The following ZNF70 variants were observed in gnomAD, a reference collection of about 807,000 sequenced individuals.
ZNF70 encodes zinc finger protein N27C7-1.
A neutral mutation model predicts 37.7 loss-of-function variants in ZNF70; 18 were observed. The ratio of observed to expected loss-of-function variants is 0.48; its 90% CI spans 0.33 to 0.71. ZNF70 has a LOEUF of 0.71. Among genes scored for constraint, ZNF70 ranks in the 30% least tolerant of loss-of-function variants. ZNF70 has a pLI of 0.02. For synonymous variants in ZNF70, 219 were observed against 220.1 expected (o/e 0.99, Z 0.05); for missense variants, 506 against 568.6 (o/e 0.89, Z 1.12).
In ZNF70 at chr22:23,743,934, G is replaced by C; in HGVS notation, c.1207C>G (p.Arg403Gly). ...TTATAGTGCTCAATGAGGGCTGACC[G>C]GTGCCGGAAGGCTTTGCCACACTCG... ...TCECGKAFRH[R>G]SALIEHYKTH... Residue 403 changes from arginine (R) to glycine (G), a missense_variant, in exon 2 of 2, where the codon CGG becomes GGG. Arg to Gly is a moderately radical substitution (Grantham distance 125). Coordinates refer to ENST00000341976, the MANE Select transcript of ZNF70 (RefSeq NM_021916.4). 1 of 1,613,228 alleles carries C rather than the reference G, an allele frequency of 6.2e-7. No homozygotes were observed. Among genetic ancestry groups the C allele is most frequent in the Non-Finnish European group, 8.5e-7 (1 of 1,179,242 alleles).
chr22:23,744,356 T>A lies in ZNF70; in HGVS notation c.785A>T (p.Asn262Ile), dbSNP rs1925013214. 1 of 1,614,014 alleles carries A rather than the reference T, an allele frequency of 6.2e-7. No homozygotes were observed. Among genetic ancestry groups the A allele is most frequent in the African/African-American group, 1.3e-5 (1 of 74,914 alleles). The change falls in exon 2 of 2, where the codon AAC becomes ATC. Residue 262 changes from asparagine (N) to isoleucine (I), a missense_variant. Physicochemically the swap from Asn to Ile is moderately radical, Grantham distance 149. Coordinates refer to ENST00000341976, the MANE Select transcript of ZNF70 (RefSeq NM_021916.4). ...ATGCTGGCTCAGGCCTGAGCTCTGG[T>A]TGAAGGATTTCCCACATTCCTTACA... The part of the protein sequence containing the change: ...YQCKECGKSF[N>I]QSSGLSQHRK...
At position 23,745,976 on chromosome 22, in the gene ZNF70, C is replaced by T. The variant is rs952192042; in HGVS notation, c.-79-757G>A. Among the ~76,000 whole-genome samples the T allele has an allele frequency of 1.2e-4, 19 of 152,264 alleles. 1 individual carries two copies. Among genetic ancestry groups the T allele is most frequent in the African/African-American group, 3.9e-4 (16 of 41,554 alleles). ...ATAACCGCTCTTATTCTCACCCGAC[C>T]GGTCCCCTCTTATCTACTTCCTGAG... is the stretch of plus-strand genomic sequence containing the variant. On this transcript the variant is annotated intron_variant, in intron 1 of 1. Transcript: ENST00000341976.
chr22:23,745,964 T>C (rs971602258), intron 1 of ZNF70, among the ~76,000 whole-genome samples: 1 of 152,128 alleles, frequency 6.6e-6, no homozygotes, highest in Admixed American at 6.5e-5. Flanking sequence ...ACCGCTCTTA[T>C]TCTCACCCGA....
chr22:23,743,796 C>T lies in ZNF70; in HGVS notation c.*4G>A, dbSNP rs1443499646. 6.2e-7 allele frequency: 1 copy of T among 1,608,916 alleles called. No homozygotes were observed. Among genetic ancestry groups the T allele is most frequent in the Non-Finnish European group, 8.5e-7 (1 of 1,177,118 alleles). On this transcript the variant is annotated 3_prime_UTR_variant, in exon 2 of 2. Transcript: ENST00000341976. ...GCTTTCAAGCTTTGTGTGGGCTCCT[C>T]TTTCTATAGCTTCTCCCCAGAATGA... is the stretch of plus-strand genomic sequence containing the variant.
In ZNF70 at chr22:23,742,798, G is replaced by C. The variant is rs1381889707; in HGVS notation, c.*1002C>G. 1 of 152,302 alleles carries C rather than the reference G, an allele frequency of 6.6e-6. No homozygotes were observed. Among genetic ancestry groups the C allele is most frequent in the African/African-American group, 2.4e-5 (1 of 41,470 alleles). The allele number at this position is 152,302 out of a possible 1,614,324, so 9.4% of individuals were successfully genotyped here. On this transcript the variant is annotated 3_prime_UTR_variant, in exon 2 of 2. Transcript: ENST00000341976. Reference sequence around the variant, plus strand: ...ACCCCAACTCTTGGATGGGGGAATGGAGCCTGGGGAAGTTACAGGACTTGT... The same window carrying C: ...ACCCCAACTCTTGGATGGGGGAATGCAGCCTGGGGAAGTTACAGGACTTGT...
chr22:23,747,921 G>A (rs563094526), intron 1 of ZNF70, among the ~76,000 whole-genome samples: 1 of 152,298 alleles, frequency 6.6e-6, no homozygotes, highest in East Asian at 1.9e-4. Context: ...GACAAGGAAG[G>A]AAGCTAGAAC....
At position 23,742,078 on chromosome 22, in the gene ZNF70, C is replaced by A. The variant is rs748472098; in HGVS notation, c.*1722G>T. ...CCTGGCCAACATGGTGAAACCCCGTCTGTACTAAAAATACAAAAAATTAGC... is the reference window on the plus strand; with the variant it reads ...CCTGGCCAACATGGTGAAACCCCGTATGTACTAAAAATACAAAAAATTAGC... On this transcript the variant is annotated 3_prime_UTR_variant, in exon 2 of 2. Coordinates refer to ENST00000341976, the MANE Select transcript of ZNF70 (RefSeq NM_021916.4). 1 of 152,466 alleles carries A rather than the reference C, an allele frequency of 6.6e-6. No homozygotes were observed. The highest frequency in any genetic ancestry group is 1.5e-5 in the Non-Finnish European group (1 of 68,256). 9.4% of individuals were successfully genotyped at this position (152,466 alleles called of 1,614,324 possible). A position where few individuals can be genotyped will look rare whatever the true frequency, so the allele number is the denominator to read the frequency against.
chr22:23,750,365 A>G (rs897601578), intron 1 of ZNF70, among the ~76,000 whole-genome samples: 3 of 152,044 alleles, frequency 2.0e-5, no homozygotes, highest in South Asian at 2.1e-4. Flanking sequence ...CTCTTGAAAA[A>G]CGAAGATGTG....
At chr22:23,746,446 A>G (rs1283338699) in intron 1 of ZNF70, among the ~76,000 whole-genome samples, 2 of 151,596 alleles carry the variant, frequency 1.3e-5, no homozygotes, top group African/African-American at 4.8e-5. Flanking sequence ...ATCTCAAGTG[A>G]TCTGCCTGCC....
rs1033157538 is a variant in ZNF70 at position 23,750,994 on chromosome 22, G to C, written c.-363C>G. The C allele has an allele frequency of 6.6e-6, 1 of 152,392 alleles. No individual in the cohort carries two copies. Among genetic ancestry groups the C allele is most frequent in the East Asian group, 1.9e-4 (1 of 5,204 alleles). 9.4% of individuals were successfully genotyped at this position (152,392 alleles called of 1,614,324 possible). A position where few individuals can be genotyped will look rare whatever the true frequency, so the allele number is the denominator to read the frequency against. Reference sequence around the variant, plus strand: ...GGGGCCACTCACCTGGGCCGGGGCGGGGCAGCTCACCTGGGCCGGGGCGGG... The same window carrying C: ...GGGGCCACTCACCTGGGCCGGGGCGCGGCAGCTCACCTGGGCCGGGGCGGG... On this transcript the variant is annotated 5_prime_UTR_variant, in exon 1 of 2. Transcript: ENST00000341976.
At chr22:23,750,040 G>A (rs1229248492) in intron 1 of ZNF70, among the ~76,000 whole-genome samples, 1 of 152,164 alleles carries the variant, frequency 6.6e-6, no homozygotes, top group African/African-American at 2.4e-5. Context: ...CTCCTAAGTT[G>A]TTAAATGTTG....
intron 1 of ZNF70, among the ~76,000 whole-genome samples, chr22:23,750,237 G>A (rs1925278978): frequency 6.6e-6 from 1 of 152,076 alleles, no homozygotes; most frequent in Non-Finnish European, 1.5e-5. Flanking sequence ...CATTTCAGAG[G>A]TTGCAAATTG....
intron 1 of ZNF70, among the ~76,000 whole-genome samples, chr22:23,748,726 G>T (rs962766844): frequency 1.3e-5 from 2 of 151,638 alleles, no homozygotes; most frequent in Admixed American, 1.3e-4. Flanking sequence ...TGTATTTTTA[G>T]TAGAGATGGG....
intron 1 of ZNF70, among the ~76,000 whole-genome samples, chr22:23,746,920 G>A (rs192957808): frequency 8.0e-4 from 122 of 152,192 alleles, no homozygotes; most frequent in African/African-American, 2.8e-3. Flanking sequence ...TTCAGGACTC[G>A]TCCAAATGTC....
chr22:23,748,652 C>A (rs1925213589), intron 1 of ZNF70, among the ~76,000 whole-genome samples: 1 of 151,420 alleles, frequency 6.6e-6, no homozygotes, highest in Non-Finnish European at 1.5e-5. Context: ...TCAAGCAATT[C>A]TCCTGCCTCA....
intron 1 of ZNF70, among the ~76,000 whole-genome samples, chr22:23,750,095 G>A (rs564663676): frequency 2.2e-4 from 33 of 152,202 alleles, no homozygotes; most frequent in African/African-American, 7.7e-4. Context: ...GACAAATTTC[G>A]AGTTTCCGAT....
At chr22:23,746,050 G>C (rs960322167) in intron 1 of ZNF70, among the ~76,000 whole-genome samples, 5 of 152,178 alleles carry the variant, frequency 3.3e-5, no homozygotes, top group African/African-American at 1.2e-4. Flanking sequence ...CCACTCTGCA[G>C]CTCAGGCTTC....
intron 1 of ZNF70, among the ~76,000 whole-genome samples, chr22:23,748,751 G>A (rs889209641): frequency 4.0e-5 from 6 of 150,300 alleles, no homozygotes; most frequent in South Asian, 4.2e-4. Flanking sequence ...CACTATGTTG[G>A]CCAGGCTGGT....
chr22:23,747,819 G>A (rs1029374705), intron 1 of ZNF70, among the ~76,000 whole-genome samples: 3 of 151,928 alleles, frequency 2.0e-5, no homozygotes, highest in Non-Finnish European at 2.9e-5. Context: ...GTGAGACTCC[G>A]TCTCAAAAAA....
Sources: allele counts gnomAD v4.1 joint callset (sites outside exome capture counted in the v4.1 genomes callset), GRCh38; gene constraint gnomAD v4.1.1; transcripts MANE v1.5; gene names NCBI Gene and HGNC (gene_info 2026-07-23, HGNC 2026-07-21).